Variants in HSPG2 observed in about 807,000 individuals in gnomAD.
HSPG2 encodes the protein basement membrane-specific heparan sulfate proteoglycan core protein.
A neutral mutation model predicts 526.6 loss-of-function variants in HSPG2; 278 were observed. That is an observed-to-expected ratio of 0.53 (90% confidence interval 0.48 to 0.58). The LOEUF (loss-of-function observed/expected upper bound fraction) is 0.58. HSPG2 is among the 20% of genes least tolerant of loss of function. HSPG2 has a pLI of 0.00. For missense variants in HSPG2, 5,354 were observed against 6,099.5 expected, an observed-to-expected ratio of 0.88 and a Z score of 4.07; for synonymous variants, 2,465 against 2,555.4, an observed-to-expected ratio of 0.96 and a Z score of 1.07.
intron 1 of HSPG2, among the ~76,000 whole-genome samples, chr1:21,922,191 G>A (rs1447009275): frequency 6.6e-6 from 1 of 152,244 alleles, no homozygotes; most frequent in Non-Finnish European, 1.5e-5. Flanking sequence ...ACCCTGCAGT[G>A]TAGGAATTGC....
At position 21,850,416 on chromosome 1, in the gene HSPG2, A is replaced by T; in HGVS notation, c.7241T>A (p.Val2414Glu). 1.2e-6 allele frequency: 2 copies of T among 1,611,224 alleles called. No individual in the cohort carries two copies. The highest frequency in any genetic ancestry group is 1.7e-6 in the Non-Finnish European group (2 of 1,179,076). Residue 2414 changes from valine (V) to glutamate (E), a missense_variant, in exon 56 of 97, where the codon GTG becomes GAG. Coordinates refer to ENST00000374695, the MANE Select transcript of HSPG2 (RefSeq NM_005529.7). ...GACCAGGACAGAGGCCTCTAGAGGCACGGAGCTGCCCAACACTCGGCACAC... is the reference window on the plus strand; with the variant it reads ...GACCAGGACAGAGGCCTCTAGAGGCTCGGAGCTGCCCAACACTCGGCACAC... ...EYVCRVLGSS[V>E]PLEASVLVTI...
intron 74 of HSPG2, among the ~76,000 whole-genome samples, chr1:21,837,874 G>A (rs1274609578): frequency 6.6e-6 from 1 of 151,978 alleles, no homozygotes; most frequent in African/African-American, 2.4e-5. Flanking sequence ...AGTGGCTCAC[G>A]CCGGTAATCC....
In HSPG2 at chr1:21,830,179, CG is replaced by C. The variant is rs2097996425; in HGVS notation, c.11672-89del. On this transcript the variant is annotated intron_variant, in intron 85 of 96. Coordinates refer to ENST00000374695, the MANE Select transcript of HSPG2 (RefSeq NM_005529.7). ...TGCCAGAGGTCTGCCCATCACACCC[CG>C]GGGGGCTGGGCTAGTGAGGGCCAGG... is the stretch of plus-strand genomic sequence containing the variant. 3.6e-6 allele frequency: 4 copies of C among 1,096,120 alleles called. No homozygotes were observed. In the South Asian group the frequency reaches 4.0e-5, roughly 11 times the overall value. 67.9% of individuals were successfully genotyped at this position (1,096,120 alleles called of 1,614,324 possible).
intron 1 of HSPG2, among the ~76,000 whole-genome samples, chr1:21,914,006 A>C (rs915676102): frequency 1.3e-5 from 2 of 152,194 alleles, no homozygotes; most frequent in African/African-American, 4.8e-5. Context: ...CTAAGCTGTG[A>C]GTCATTTAGC....
At position 21,852,161 on chromosome 1, in the gene HSPG2, C is replaced by T. The variant is rs1638956956; in HGVS notation, c.6797G>A (p.Cys2266Tyr). 3 of 1,614,024 alleles carry T rather than the reference C, an allele frequency of 1.9e-6. No homozygotes were observed. The highest frequency in any genetic ancestry group is 2.5e-6 in the Non-Finnish European group (3 of 1,180,040). The change falls in exon 53 of 97, where the codon TGC (cysteine) becomes TAC (tyrosine). Residue 2266 changes from cysteine (C) to tyrosine (Y), a missense_variant. Cys to Tyr is a radical substitution (Grantham distance 194, BLOSUM62 -2). Coordinates refer to ENST00000374695, the MANE Select transcript of HSPG2 (RefSeq NM_005529.7). ...VAEGQTLDLS[C>Y]VVAGQAHAQV... ...GGCGTGGGCCTGCCCTGCCACCACG[C>T]AGCTCAGATCCAGGGTCTGGCCCTC...
At position 21,844,318 on chromosome 1, in the gene HSPG2, G is replaced by A; in HGVS notation, c.8465-19C>T. 1.2e-6 allele frequency: 2 copies of A among 1,605,232 alleles called. No homozygotes were observed. The highest frequency in any genetic ancestry group is 1.7e-6 in the Non-Finnish European group (2 of 1,173,684). ...CCTGGGGCTGGGGCACAGGGGAGAG[G>A]TCAGTGAGCTGAGATGCCACCCTGA... On this transcript the variant is annotated intron_variant, in intron 64 of 96. Coordinates refer to ENST00000374695, the MANE Select transcript of HSPG2 (RefSeq NM_005529.7).
intron 1 of HSPG2, among the ~76,000 whole-genome samples, chr1:21,911,682 G>T (rs1325879298): frequency 6.6e-6 from 1 of 152,184 alleles, no homozygotes; most frequent in African/African-American, 2.4e-5. Context: ...GGAGGTGCAG[G>T]GCCGGGAGGG....
chr1:21,926,650 C>T (rs986673674), intron 1 of HSPG2, among the ~76,000 whole-genome samples: 1 of 150,210 alleles, frequency 6.7e-6, no homozygotes, highest in African/African-American at 2.5e-5. Flanking sequence ...ATCCCTGCTA[C>T]CAGGGAGGCT....
At chr1:21,868,911 G>T in intron 33 of HSPG2, 1 of 983,880 alleles carries the variant, frequency 1.0e-6, no homozygotes, top group South Asian at 4.7e-5. Flanking sequence ...GCCCGGGGCA[G>T]CTGCCAGTAA....
chr1:21,851,747 A>T (rs941078305), intron 54 of HSPG2, 44 bp downstream of exon 54: 29 of 1,613,860 alleles, frequency 1.8e-5, no homozygotes, highest in Non-Finnish European at 2.5e-5. Flanking sequence ...AAGCCACTCC[A>T]GCCTGTTCTC....
At chr1:21,916,138 G>A (rs892387265) in intron 1 of HSPG2, among the ~76,000 whole-genome samples, 1 of 151,684 alleles carries the variant, frequency 6.6e-6, no homozygotes, top group Non-Finnish European at 1.5e-5. Flanking sequence ...AGGCTGAGGC[G>A]GGCAGATCAT....
At chr1:21,884,322 G>A (rs1376359804) in intron 13 of HSPG2, among the ~76,000 whole-genome samples, 2 of 152,162 alleles carry the variant, frequency 1.3e-5, no homozygotes, top group Non-Finnish European at 2.9e-5. Flanking sequence ...CCTGAAGCAG[G>A]TAGGTAGCAA....
In HSPG2 at chr1:21,884,517, C is replaced by A; in HGVS notation, c.1654+11G>T. ...CCACCTCCCGCAGCGCTCACCCGCC[C>A]GCCAACGCACCCTTGAAGTCATCGG... is the stretch of plus-strand genomic sequence containing the variant. On this transcript the variant is annotated intron_variant, in intron 13 of 96. Transcript: ENST00000374695. The A allele has an allele frequency of 1.2e-6, 2 of 1,611,020 alleles. No homozygotes were observed. The highest frequency in any genetic ancestry group is 2.2e-5 in the East Asian group (1 of 44,880).
At position 21,890,828 on chromosome 1, in the gene HSPG2, C is replaced by T; in HGVS notation, c.245-134G>A. 1.4e-6 allele frequency: 1 copy of T among 715,722 alleles called. No homozygotes were observed. The highest frequency in any genetic ancestry group is 1.5e-5 in the South Asian group (1 of 67,758). The allele number at this position is 715,722 out of a possible 1,614,324, so 44.3% of individuals were successfully genotyped here. Reference sequence around the variant, plus strand: ...CTCGAGGCTGACACCTGTGTGCCCACTGCTACACCCAGGACTGCCTGTAGG... The same window carrying T: ...CTCGAGGCTGACACCTGTGTGCCCATTGCTACACCCAGGACTGCCTGTAGG... On this transcript the variant is annotated intron_variant, in intron 3 of 96. Transcript: ENST00000374695. This position sits in a 1 kb window ranked among gnomAD's most constrained non-coding sequence, Gnocchi z 4.1.
At chr1:21,889,113 G>A (rs1642165336) in intron 6 of HSPG2, among the ~76,000 whole-genome samples, 2 of 152,150 alleles carry the variant, frequency 1.3e-5, no homozygotes, top group South Asian at 4.1e-4. Context: ...CGGAACAAGG[G>A]AGGTGATGGT....
At position 21,865,337 on chromosome 1, in the gene HSPG2, T is replaced by C. The variant is rs1478736222; in HGVS notation, c.4343A>G (p.Gln1448Arg). 3 of 1,613,922 alleles carry C rather than the reference T, an allele frequency of 1.9e-6. No homozygotes were observed. Among genetic ancestry groups the C allele is most frequent in the South Asian group, 2.2e-5 (2 of 91,072 alleles). Residue 1448 changes from glutamine (Q) to arginine (R), a missense_variant, in exon 35 of 97, where the codon CAG becomes CGG. Gln to Arg is a conservative substitution (Grantham distance 43). Coordinates refer to ENST00000374695, the MANE Select transcript of HSPG2 (RefSeq NM_005529.7). The surrounding 1 kb of genome is among the most constrained non-coding windows in gnomAD (Gnocchi z 5.4). ...TGNNIMLVAS[Q>R]PALQGPERRS... ...CCTCTCAGGGCCCTGCAGCGCTGGC[T>C]GGGAGGCCACTAGCATGATGTTGTT... is the stretch of plus-strand genomic sequence containing the variant.
At chr1:21,927,935 T>C (rs1644248741) in intron 1 of HSPG2, among the ~76,000 whole-genome samples, 1 of 152,226 alleles carries the variant, frequency 6.6e-6, no homozygotes, top group Non-Finnish European at 1.5e-5. Context: ...GGCTGTGCCC[T>C]GGGAACCCTG....
chr1:21,841,111 G>A lies in HSPG2; in HGVS notation c.9503C>T (p.Ala3168Val), dbSNP rs538263312. 39 of 1,608,078 alleles carry A rather than the reference G, an allele frequency of 2.4e-5. No homozygotes were observed. The East Asian group carries it at 6.5e-4, about 27-fold the overall frequency. Residue 3168 changes from alanine to valine, a missense_variant, in exon 71 of 97, where the codon GCG (alanine) becomes GTG (valine). Transcript: ENST00000374695. ...CAGCCCCGGCTTCACCTGCAGCACC[G>A]CGTGGCTGTCCATGAGCCCATATGT... ...QRTYGLMDSH[A>V]VLQISSAKPS...
intron 74 of HSPG2, among the ~76,000 whole-genome samples, chr1:21,837,424 G>A (rs1314999474): frequency 2.0e-5 from 3 of 151,942 alleles, no homozygotes; most frequent in African/African-American, 7.2e-5. Context: ...GAGACTACAG[G>A]TGCGCCACCG....
Sources: allele counts gnomAD v4.1 joint callset (sites outside exome capture counted in the v4.1 genomes callset), GRCh38; gene constraint gnomAD v4.1.1; non-coding constraint Gnocchi (gnomAD v3.1); transcripts MANE v1.5; gene names NCBI Gene and HGNC (gene_info 2026-07-23, HGNC 2026-07-21).